Variants in CAMK2D observed in about 807,000 individuals in gnomAD.
CAMK2D encodes the protein calcium/calmodulin-dependent protein kinase type II subunit delta.
A neutral mutation model predicts 84.0 loss-of-function variants in CAMK2D; 37 were observed. The observed-to-expected ratio is 0.44, with a 90% CI of 0.34 to 0.58. The LOEUF is 0.58. Ranked by LOEUF, CAMK2D falls within the 20% of genes least tolerant of loss-of-function variation. The pLI is 0.02. For synonymous variants in CAMK2D, 202 were observed against 212.5 expected (o/e 0.95, Z 0.43); for missense variants, 448 against 652.5 (o/e 0.69, Z 3.41).
chr4:113,537,918 C>T (rs1399585492), intron 6 of CAMK2D, among the ~76,000 whole-genome samples: 2 of 152,094 alleles, frequency 1.3e-5, no homozygotes, highest in Non-Finnish European at 2.9e-5. Flanking sequence ...GAGTTTGGAC[C>T]CAAATGTAGT....
chr4:113,553,242 G>A (rs1177030856), intron 4 of CAMK2D, among the ~76,000 whole-genome samples: 3 of 152,098 alleles, frequency 2.0e-5, no homozygotes, highest in Non-Finnish European at 2.9e-5. Context: ...ATCACACAGC[G>A]TTTAGTGACA....
chr4:113,662,679 C>T (rs1279900677), intron 2 of CAMK2D, among the ~76,000 whole-genome samples: 1 of 152,202 alleles, frequency 6.6e-6, no homozygotes, highest in Non-Finnish European at 1.5e-5. Context: ...TCGATTAATG[C>T]AAAGCCTCCA....
At chr4:113,743,942 G>T (rs377696723) in intron 2 of CAMK2D, among the ~76,000 whole-genome samples, 1 of 152,060 alleles carries the variant, frequency 6.6e-6, no homozygotes, top group African/African-American at 2.4e-5. Flanking sequence ...CCAGGTTCAT[G>T]CCATTCTCCT....
At chr4:113,730,517 C>T (rs1046083484) in intron 2 of CAMK2D, among the ~76,000 whole-genome samples, 1 of 152,152 alleles carries the variant, frequency 6.6e-6, no homozygotes, top group Non-Finnish European at 1.5e-5. Flanking sequence ...ACATCTTCTA[C>T]CAAACTGCAA....
At chr4:113,551,728 T>C (rs966118290) in intron 5 of CAMK2D, among the ~76,000 whole-genome samples, 10 of 152,182 alleles carry the variant, frequency 6.6e-5, no homozygotes, top group Admixed American at 3.9e-4. Context: ...TATCTAGGGA[T>C]TAGAGGATTT....
rs79674644 is a variant in CAMK2D, at chr4:113,529,373, A to G, written c.601+1843T>C. Among the ~76,000 whole-genome samples, 316 of 152,300 alleles carry G rather than the reference A, an allele frequency of 2.1e-3. 2 individuals carry two copies. Among genetic ancestry groups the G allele is most frequent in the African/African-American group, 7.3e-3 (305 of 41,566 alleles). On this transcript the variant is annotated intron_variant, in intron 8 of 20. Coordinates refer to ENST00000511664, the MANE Select transcript of CAMK2D (RefSeq NM_001321571.2). ...GAATTTATTAACTTTTTAAACTAAA[A>G]CAAGTCTAAAAAATTATTTTCAGAA...
In CAMK2D at chr4:113,555,890, G is replaced by A. The variant is rs142239498; in HGVS notation, c.276-3794C>T. Among the ~76,000 whole-genome samples, 92 of 152,154 alleles carry A rather than the reference G, an allele frequency of 6.0e-4. No homozygotes were observed. In the East Asian group the frequency reaches 0.012, roughly 20 times the overall value. The stretch of plus-strand genomic sequence containing the variant: ...GAGGGTGGAGCCCTCATTTGGGGTC[G>A]TTACCAAAGGGACTCCAGAGAGCTC... On this transcript the variant is annotated intron_variant, in intron 4 of 20. Coordinates refer to ENST00000511664, the MANE Select transcript of CAMK2D (RefSeq NM_001321571.2).
intron 2 of CAMK2D, among the ~76,000 whole-genome samples, chr4:113,709,133 C>A (rs896157815): frequency 2.0e-5 from 3 of 151,988 alleles, no homozygotes; most frequent in African/African-American, 4.8e-5. Context: ...ACAGAAAATC[C>A]TTTTTCCATT....
intron 2 of CAMK2D, among the ~76,000 whole-genome samples, chr4:113,692,356 T>C (rs1240761617): frequency 6.6e-6 from 1 of 152,172 alleles, no homozygotes; most frequent in African/African-American, 2.4e-5. Context: ...TTGAGTAATA[T>C]TAAATTGTGA....
chr4:113,534,587 A>G (rs933421089), intron 7 of CAMK2D, among the ~76,000 whole-genome samples: 4 of 152,136 alleles, frequency 2.6e-5, no homozygotes, highest in Admixed American at 2.6e-4. Context: ...TTGAAAATCT[A>G]TGTACTTTTA....
chr4:113,660,945 G>A (rs1245371542), intron 3 of CAMK2D, among the ~76,000 whole-genome samples: 5 of 151,720 alleles, frequency 3.3e-5, no homozygotes, highest in African/African-American at 9.7e-5. Context: ...ACAGGCGCCC[G>A]CCACCACGCC....
intron 8 of CAMK2D, among the ~76,000 whole-genome samples, chr4:113,517,918 A>G (rs1024429704): frequency 3.9e-5 from 6 of 152,194 alleles, no homozygotes; most frequent in Admixed American, 3.3e-4. Context: ...GCAGGGCAAC[A>G]TTCATTTAGG....
At chr4:113,526,918 T>C (rs908909056) in intron 8 of CAMK2D, among the ~76,000 whole-genome samples, 1 of 151,888 alleles carries the variant, frequency 6.6e-6, no homozygotes, top group Non-Finnish European at 1.5e-5. Context: ...TTTTTTTTTT[T>C]TTTTTACTGT....
intron 3 of CAMK2D, among the ~76,000 whole-genome samples, chr4:113,611,671 A>G: frequency 6.6e-6 from 1 of 152,322 alleles, no homozygotes; most frequent in Non-Finnish European, 1.5e-5. Flanking sequence ...TCACTTATTA[A>G]TACTAATTAA....
chr4:113,574,488 G>A (rs369176175), intron 4 of CAMK2D, among the ~76,000 whole-genome samples: 2 of 152,156 alleles, frequency 1.3e-5, no homozygotes, highest in East Asian at 1.9e-4. Flanking sequence ...CATCAGTCAC[G>A]AAGGAAAAGG....
chr4:113,709,031 AGTTT>A (rs905094387), intron 2 of CAMK2D, among the ~76,000 whole-genome samples: 25 of 152,152 alleles, frequency 1.6e-4, no homozygotes, highest in Middle Eastern at 3.4e-3. Context: ...CCAAAACAGA[AGTTT>A]GTTTGTTTGT....
chr4:113,645,589 T>C (rs1486052565), intron 3 of CAMK2D, among the ~76,000 whole-genome samples: 2 of 152,290 alleles, frequency 1.3e-5, no homozygotes, highest in East Asian at 3.9e-4. Context: ...CTGACTACTG[T>C]AGTTTGATAA....
chr4:113,513,277 TA>T, intron 12 of CAMK2D, 50 bp downstream of exon 12: 1 of 1,584,304 alleles, frequency 6.3e-7, no homozygotes. Context: ...AAACAGAGAC[TA>T]CTTAAAAAGA....
chr4:113,476,253 T>C (rs1472422962), intron 16 of CAMK2D, among the ~76,000 whole-genome samples: 3 of 152,212 alleles, frequency 2.0e-5, no homozygotes, highest in Non-Finnish European at 4.4e-5. Context: ...CACAGCATTG[T>C]AAATCTGTGT....
Sources: gnomAD v4.1 joint callset for allele counts (sites outside exome capture counted in the v4.1 genomes callset) on GRCh38, gnomAD v4.1.1 for gene constraint, MANE v1.5 for transcripts, NCBI Gene and HGNC (gene_info 2026-07-23, HGNC 2026-07-21) for gene names.